The following HUWE1 variants were observed in gnomAD, a reference collection of about 807,000 sequenced individuals.
HUWE1 encodes HECT, UBA and WWE domain containing E3 ubiquitin protein ligase 1.
Under a neutral mutation model 299.4 loss-of-function variants are expected in HUWE1, and 18 were observed. The ratio of observed to expected loss-of-function variants is 0.06; its 90% CI spans 0.04 to 0.09. The LOEUF is 0.09. Among genes scored for constraint, HUWE1 ranks in the 10% least tolerant of loss-of-function variants. The pLI is 1.00. For synonymous variants in HUWE1, 1,317 were observed against 1,286.1 expected, an observed-to-expected ratio of 1.02 and a Z score of -0.51; for missense variants, 1,832 against 3,462.3, an observed-to-expected ratio of 0.53 and a Z score of 11.82.
chrX:53,534,505 C>T lies in HUWE1; in HGVS notation c.12831+11G>A. 3 of 1,199,436 alleles carry T rather than the reference C, an allele frequency of 2.5e-6. No individual in the cohort carries two copies. The highest frequency in any genetic ancestry group is 3.4e-6 in the Non-Finnish European group (3 of 887,448). On this transcript the variant is annotated intron_variant, in intron 82 of 83. Coordinates refer to ENST00000262854, the MANE Select transcript of HUWE1 (RefSeq NM_031407.7). Reference sequence around the variant, plus strand: ...AGGACCATATGAGGAGGGATGCCAGCAGCAGCTCACCTGAATAGAGTTGGA... The same window carrying T: ...AGGACCATATGAGGAGGGATGCCAGTAGCAGCTCACCTGAATAGAGTTGGA...
chrX:53,537,757 T>A, intron 77 of HUWE1, 61 bp from the exon 78 acceptor site: 1 of 1,101,080 alleles, frequency 9.1e-7, no homozygotes, highest in South Asian at 2.0e-5. Flanking sequence ...TTTGTTTGTG[T>A]GATTAGGAAG....
chrX:53,641,964 AG>A (rs2067619207), intron 7 of HUWE1, among the ~76,000 whole-genome samples: 1 of 111,456 alleles, frequency 9.0e-6, no homozygotes, highest in Non-Finnish European at 1.9e-5. Flanking sequence ...CAAGACCCCT[AG>A]TGGATACCCG....
chrX:53,627,815 A>G lies in HUWE1; in HGVS notation c.1307T>C (p.Val436Ala), dbSNP rs1557019298. The stretch of plus-strand genomic sequence containing the variant: ...CATATCCAGGTTGGTGATAAGGTCA[A>G]CCACTCTGACGGCTCTGGTGACAAA... ...ITFVTRAVRVVDLITNLDMAA... is the reference protein window; with the variant it reads ...ITFVTRAVRVADLITNLDMAA... The change falls in exon 16 of 84, where the codon GTT becomes GCT. Residue 436 changes from valine to alanine, a missense_variant. Val to Ala is a moderately conservative substitution (Grantham distance 64, BLOSUM62 0). Transcript: ENST00000262854. 2.5e-6 allele frequency: 3 copies of G among 1,205,314 alleles called. No individual in the cohort carries two copies. The highest frequency in any genetic ancestry group is 1.7e-5 in the African/African-American group (1 of 57,646).
At chrX:53,599,502 GA>G (rs1199290750) in intron 29 of HUWE1, among the ~76,000 whole-genome samples, 5 of 110,633 alleles carry the variant, frequency 4.5e-5, no homozygotes, top group East Asian at 2.8e-4. Flanking sequence ...CATTAAAGGG[GA>G]AAAAAAAGGG....
intron 19 of HUWE1, among the ~76,000 whole-genome samples, chrX:53,619,336 A>G (rs1214278500): frequency 9.0e-6 from 1 of 111,286 alleles, no homozygotes; most frequent in Non-Finnish European, 1.9e-5. Context: ...AGTTACTAAA[A>G]TTGAGTATTT....
At chrX:53,555,117 A>C (rs2061940227) in intron 60 of HUWE1, among the ~76,000 whole-genome samples, 197 bp from the exon 61 acceptor site, 1 of 111,525 alleles carries the variant, frequency 9.0e-6, no homozygotes, top group African/African-American at 3.3e-5. Context: ...CTCTGTCCCA[A>C]GAATGCAAGA....
intron 23 of HUWE1, among the ~76,000 whole-genome samples, chrX:53,609,858 CA>C (rs1557000501): frequency 2.7e-5 from 3 of 111,377 alleles, no homozygotes; most frequent in African/African-American, 9.8e-5. Context: ...TTGAGCAAGA[CA>C]AAATGTAAAC....
At position 53,551,245 on chromosome X, in the gene HUWE1, AC is replaced by A. The variant is rs782364868; in HGVS notation, c.9096+20del. 1.1e-5 allele frequency: 13 copies of A among 1,208,659 alleles called. No homozygotes were observed. The highest frequency in any genetic ancestry group is 1.1e-6 in the Non-Finnish European group (1 of 894,452). ...TTCTCCTGCCAGGCAGCCTGGCCCCACCACCTTCCCGCTCACATACTTCCTC... is the reference window on the plus strand; with the variant it reads ...TTCTCCTGCCAGGCAGCCTGGCCCCACACCTTCCCGCTCACATACTTCCTC... On this transcript the variant is annotated intron_variant, in intron 64 of 83. Transcript: ENST00000262854.
intron 29 of HUWE1, among the ~76,000 whole-genome samples, chrX:53,596,650 C>T (rs2064493993): frequency 8.9e-6 from 1 of 111,933 alleles, no homozygotes; most frequent in African/African-American, 3.3e-5. Context: ...ATGAACAGTT[C>T]ATCTCTCCAG....
chrX:53,663,464 G>T (rs2069108936), intron 3 of HUWE1, among the ~76,000 whole-genome samples: 1 of 110,891 alleles, frequency 9.0e-6, no homozygotes, highest in Non-Finnish European at 1.9e-5. Flanking sequence ...AGTGAGCCGA[G>T]ATTGCACCAT....
chrX:53,679,372 TA>T (rs2070007664), intron 3 of HUWE1, among the ~76,000 whole-genome samples: 1 of 112,686 alleles, frequency 8.9e-6, no homozygotes, highest in South Asian at 3.6e-4. Context: ...TCAGTTGTGA[TA>T]ATAGTTTTGA....
chrX:53,634,360 C>G, intron 7 of HUWE1, 62 bp from the exon 8 acceptor site: 2 of 780,114 alleles, frequency 2.6e-6, no homozygotes, highest in Non-Finnish European at 4.0e-6. Flanking sequence ...CCACTGCACT[C>G]CAGCCTAGGC....
At chrX:53,653,937 T>C in intron 4 of HUWE1, 126 bp downstream of exon 4, 1 of 502,644 alleles carries the variant, frequency 2.0e-6, no homozygotes, top group Non-Finnish European at 3.4e-6. Context: ...TCTAGACAAG[T>C]TGTTGTTTTA....
intron 8 of HUWE1, among the ~76,000 whole-genome samples, 180 bp from the exon 9 acceptor site, chrX:53,632,744 G>C (rs1484844797): frequency 8.9e-6 from 1 of 112,192 alleles, no homozygotes; most frequent in Admixed American, 9.4e-5. Flanking sequence ...GCTCAGATAG[G>C]ATGAGACTTT....
intron 75 of HUWE1, among the ~76,000 whole-genome samples, chrX:53,539,320 TAAAAAAA>T (rs34154526): frequency 1.3e-3 from 68 of 52,840 alleles, no homozygotes; most frequent in African/African-American, 3.2e-3. Context: ...ATTTCTGATT[TAAAAAAA>T]AAAAAAAAAA....
At chrX:53,609,772 C>A (rs782783409) in intron 23 of HUWE1, among the ~76,000 whole-genome samples, 1 of 111,767 alleles carries the variant, frequency 8.9e-6, no homozygotes, top group African/African-American at 3.3e-5. Flanking sequence ...TGCAGGAGAG[C>A]GGGATGGGGC....
intron 59 of HUWE1, 146 bp downstream of exon 59, chrX:53,558,509 T>G (rs782727506): frequency 1.8e-6 from 1 of 568,018 alleles, no homozygotes. Flanking sequence ...ACCAGGTCAA[T>G]GTATGGTGAA....
chrX:53,606,013 T>G (rs1556996434), intron 25 of HUWE1, among the ~76,000 whole-genome samples: 1 of 111,332 alleles, frequency 9.0e-6, no homozygotes, highest in Non-Finnish European at 1.9e-5. Context: ...GAAGCCACAG[T>G]GGGAAAGCTG....
intron 26 of HUWE1, 63 bp downstream of exon 26, chrX:53,604,526 G>C (rs782798312): frequency 4.1e-5 from 47 of 1,138,506 alleles, no homozygotes; most frequent in Non-Finnish European, 5.3e-5. Context: ...ACCCTGCTAG[G>C]TGTATGCCCT....
Sources: allele counts gnomAD v4.1 joint callset (sites outside exome capture counted in the v4.1 genomes callset), GRCh38; gene constraint gnomAD v4.1.1; transcripts MANE v1.5; gene names NCBI Gene and HGNC (gene_info 2026-07-23, HGNC 2026-07-21).